UNK: variants seen among roughly 807,000 people sequenced by gnomAD.
UNK encodes the protein RING finger protein unkempt homolog.
In UNK, 32 loss-of-function variants were observed where a neutral mutation model predicts 97.6. The ratio of observed to expected loss-of-function variants is 0.33; its 90% CI spans 0.25 to 0.44. The LOEUF (loss-of-function observed/expected upper bound fraction) is 0.44. Among genes scored for constraint, UNK ranks in the 20% least tolerant of loss-of-function variants. The probability of loss-of-function intolerance (pLI) is 1.00; values close to 1 mark genes in which losing one functional copy is unlikely to be tolerated. For synonymous variants in UNK, 441 were observed against 461.2 expected, an observed-to-expected ratio of 0.96 and a Z score of 0.56; for missense variants, 771 against 1,098.4, an observed-to-expected ratio of 0.70 and a Z score of 4.21.
chr17:75,797,909 G>T (rs956218505), intron 1 of UNK, among the ~76,000 whole-genome samples: 2 of 152,086 alleles, frequency 1.3e-5, no homozygotes, highest in African/African-American at 4.8e-5. Flanking sequence ...ATCTCTTTCT[G>T]TTGGCTTGTC....
chr17:75,812,702 A>G (rs1963048684), intron 4 of UNK, 117 bp downstream of exon 4: 2 of 1,421,318 alleles, frequency 1.4e-6, no homozygotes, highest in South Asian at 2.8e-5. Context: ...CCTGGCCCGC[A>G]TCCCACCCTA....
intron 1 of UNK, among the ~76,000 whole-genome samples, chr17:75,798,880 CACA>C: frequency 6.6e-6 from 1 of 151,888 alleles, no homozygotes; most frequent in South Asian, 2.1e-4. Context: ...TCCTGGCTAA[CACA>C]GTGAAACCCC....
At chr17:75,796,122 G>T (rs868607633) in intron 1 of UNK, among the ~76,000 whole-genome samples, 1 of 152,152 alleles carries the variant, frequency 6.6e-6, no homozygotes. Context: ...CTAAAGGCCA[G>T]TGTGGGATCA....
intron 1 of UNK, among the ~76,000 whole-genome samples, chr17:75,801,193 G>A (rs55752989): frequency 0.095 from 14,480 of 152,160 alleles, 869 homozygotes; most frequent in Non-Finnish European, 0.13. Flanking sequence ...GTGAGCCACT[G>A]CACCCAGCCA....
At position 75,824,493 on chromosome 17, in the gene UNK, T is replaced by TTC; in HGVS notation, c.*76_*77insTC. 6.0e-5 allele frequency: 52 copies of TTC among 860,722 alleles called. No individual in the cohort carries two copies. The highest frequency in any genetic ancestry group is 7.0e-5 in the Non-Finnish European group (47 of 668,096). 53.3% of individuals were successfully genotyped at this position (860,722 alleles called of 1,614,324 possible). A position where few individuals can be genotyped will look rare whatever the true frequency, so the allele number is the denominator to read the frequency against. ...TAAAGTATATATATATATATGAATATATATATATATGTGTATGTATGTATG... is the reference window on the plus strand; with the variant it reads ...TAAAGTATATATATATATATGAATATTCATATATATATGTGTATGTATGTATG... On this transcript the variant is annotated 3_prime_UTR_variant, in exon 16 of 16. Coordinates refer to ENST00000589666, the MANE Select transcript of UNK (RefSeq NM_001080419.3). The surrounding 1 kb of genome is among the most constrained non-coding windows in gnomAD (Gnocchi z 4.9).
rs530878867 is a variant in UNK, at chr17:75,794,024, T to C, written c.104+9040T>C. 1.9e-4 allele frequency: 187 copies of C among 985,336 alleles called. 1 individual carries two copies. The South Asian group carries it at 7.4e-3, about 39-fold the overall frequency. 61.0% of individuals were successfully genotyped at this position (985,336 alleles called of 1,614,324 possible). A position where few individuals can be genotyped will look rare whatever the true frequency, so the allele number is the denominator to read the frequency against. On this transcript the variant is annotated intron_variant, in intron 1 of 15. Coordinates refer to ENST00000589666, the MANE Select transcript of UNK (RefSeq NM_001080419.3). ...AAGAGGTGCCAGGCATCTGGTGACC[T>C]GTCACTTCAGGATTTGTGTGAATCA...
At chr17:75,790,372 T>G (rs1458975997) in intron 1 of UNK, among the ~76,000 whole-genome samples, 2 of 152,068 alleles carry the variant, frequency 1.3e-5, no homozygotes, top group East Asian at 3.9e-4. Context: ...GTATGCTAGC[T>G]ATAGTCCCAA....
At chr17:75,815,814 A>G (rs547845943) in intron 7 of UNK, among the ~76,000 whole-genome samples, 1 of 151,632 alleles carries the variant, frequency 6.6e-6, no homozygotes, top group Non-Finnish European at 1.5e-5. Flanking sequence ...TGAACCCAGG[A>G]AGCAGAGGTT....
intron 5 of UNK, 128 bp from the exon 6 acceptor site, chr17:75,813,633 C>A: frequency 1.3e-6 from 1 of 784,714 alleles, no homozygotes; most frequent in Non-Finnish European, 2.0e-6. Flanking sequence ...ACCAGCAAGG[C>A]CCTGACTCTG....
rs2143815845 is a variant in UNK at position 75,819,133 on chromosome 17, C to T, written c.1546+317C>T. On this transcript the variant is annotated intron_variant, in intron 11 of 15. Coordinates refer to ENST00000589666, the MANE Select transcript of UNK (RefSeq NM_001080419.3). The surrounding 1 kb of genome is among the most constrained non-coding windows in gnomAD (Gnocchi z 5.4). ...GTGTCCTTGTGTAGTGAATGGCCAG[C>T]ACGACGTTCTCAGAATCCCTGGTGC... 6.5e-6 allele frequency: 2 copies of T among 308,118 alleles called. No homozygotes were observed. The highest frequency in any genetic ancestry group is 1.6e-4 in the South Asian group (2 of 12,898). The allele number at this position is 308,118 out of a possible 1,614,324, so 19.1% of individuals were successfully genotyped here.
chr17:75,821,498 G>C (rs867245475), intron 13 of UNK: 3 of 438,668 alleles, frequency 6.8e-6, no homozygotes, highest in African/African-American at 6.0e-5. Flanking sequence ...ATGTGGGTGG[G>C]GTGACCCTGA....
chr17:75,787,404 C>G (rs1326125276), intron 1 of UNK, among the ~76,000 whole-genome samples: 1 of 151,636 alleles, frequency 6.6e-6, no homozygotes, highest in African/African-American at 2.4e-5. Context: ...CGTGATTTTG[C>G]CATGTTGCCC....
intron 1 of UNK, among the ~76,000 whole-genome samples, chr17:75,807,601 C>T (rs1306325283): frequency 6.6e-5 from 10 of 152,178 alleles, no homozygotes; most frequent in South Asian, 2.1e-4. Context: ...TACAGGCACA[C>T]GCCACCACGC....
intron 6 of UNK, 147 bp from the exon 7 acceptor site, chr17:75,815,022 T>C: frequency 1.6e-6 from 1 of 630,422 alleles, no homozygotes; most frequent in African/African-American, 1.8e-5. Context: ...AAGAAGCTGG[T>C]AGGGAGAGAC....
At chr17:75,794,910 C>T (rs75389519) in intron 1 of UNK, among the ~76,000 whole-genome samples, 5,219 of 152,254 alleles carry the variant, frequency 0.034, 299 homozygotes, top group African/African-American at 0.12. Context: ...CTGTTCTCCG[C>T]CATTATTTGA....
intron 1 of UNK, chr17:75,793,933 A>C: frequency 5.1e-6 from 5 of 985,396 alleles, no homozygotes; most frequent in Non-Finnish European, 6.0e-6. Flanking sequence ...AGTCGTTCTT[A>C]TATCTAAGCA....
intron 13 of UNK, chr17:75,821,928 G>C (rs995423184): frequency 2.9e-6 from 1 of 340,572 alleles, no homozygotes; most frequent in African/African-American, 2.2e-5. Context: ...CTTACAATTT[G>C]TGTGATTCTT....
At chr17:75,811,045 C>T (rs372895743) in intron 2 of UNK, among the ~76,000 whole-genome samples, 3 of 151,858 alleles carry the variant, frequency 2.0e-5, no homozygotes, top group Non-Finnish European at 4.4e-5. Context: ...CTCCACCTCT[C>T]GGGTTCAAGC....
intron 1 of UNK, chr17:75,793,595 C>T: frequency 6.1e-6 from 6 of 985,316 alleles, no homozygotes; most frequent in Non-Finnish European, 6.0e-6. Context: ...GATACTGAGG[C>T]CTGTGACAGC....
Sources: gnomAD v4.1 joint callset for allele counts (sites outside exome capture counted in the v4.1 genomes callset) on GRCh38, gnomAD v4.1.1 for gene constraint, Gnocchi (gnomAD v3.1) non-coding constraint, MANE v1.5 for transcripts, NCBI Gene and HGNC (gene_info 2026-07-23, HGNC 2026-07-21) for gene names.